The following CHD2 variants were observed in gnomAD, a reference collection of about 807,000 sequenced individuals.
The protein encoded by CHD2 is chromodomain helicase DNA binding protein 2.
In CHD2, 28 loss-of-function variants were observed where a neutral mutation model predicts 243.9. The ratio of observed to expected loss-of-function variants is 0.11; its 90% CI spans 0.09 to 0.16. The LOEUF is 0.16. Among genes scored for constraint, CHD2 ranks in the 10% least tolerant of loss-of-function variants. The pLI is 1.00. For missense variants in CHD2, 1,386 were observed against 2,209.8 expected, an observed-to-expected ratio of 0.63 and a Z score of 7.47; for synonymous variants, 775 against 779.0, an observed-to-expected ratio of 0.99 and a Z score of 0.09.
In CHD2 at chr15:93,024,464, C is replaced by G. The variant is rs370256848; in HGVS notation, c.5246C>G (p.Pro1749Arg). ...TTCCGACGAATGTCTGATCACCGCC[C>G]CGCTATGGGCTACCATGGCCAGGGA... ...QDFRRMSDHR[P>R]AMGYHGQGPS... The change falls in exon 39 of 39, where the codon CCC becomes CGC. Residue 1749 changes from proline (P) to arginine (R), a missense_variant. By Grantham distance (103) the Pro-to-Arg change is moderately radical. This residue lies in a region of CHD2 where 347 missense variants were observed against 341.6 expected (regional missense o/e 1.02). Transcript: ENST00000394196. 3 of 1,614,078 alleles carry G rather than the reference C, an allele frequency of 1.9e-6. No homozygotes were observed. Among genetic ancestry groups the G allele is most frequent in the Non-Finnish European group, 1.7e-6 (2 of 1,180,046 alleles).
intron 34 of CHD2, among the ~76,000 whole-genome samples, chr15:93,006,918 A>G (rs756550681): frequency 6.6e-6 from 1 of 152,202 alleles, no homozygotes; most frequent in Non-Finnish European, 1.5e-5. Flanking sequence ...TCTACAATTT[A>G]TTCTTCCACA....
chr15:92,999,791 T>A (rs771916063), intron 31 of CHD2, among the ~76,000 whole-genome samples: 1 of 152,218 alleles, frequency 6.6e-6, no homozygotes, highest in Non-Finnish European at 1.5e-5. Flanking sequence ...ATAAACAGTA[T>A]TTTAACCTTT....
chr15:93,000,486 A>T, intron 31 of CHD2, 26 bp from the exon 32 acceptor site: 1 of 1,595,212 alleles, frequency 6.3e-7, no homozygotes, highest in Admixed American at 1.8e-5. Context: ...TTTGTATTTT[A>T]ATCATCATTT....
In CHD2 at chr15:92,924,498, A is replaced by G. The variant is rs2141746164; in HGVS notation, c.240A>G (p.Pro80=). Residue 80 remains proline, a synonymous_variant, in exon 3 of 39, where the codon CCA becomes CCG. Coordinates refer to ENST00000394196, the MANE Select transcript of CHD2 (RefSeq NM_001271.4). ...GTTCCAAATCCCAGCCAGTCCTCCCAGAAGCCAAAGAGAAGCCAGCCTCTA... is the reference window on the plus strand; with the variant it reads ...GTTCCAAATCCCAGCCAGTCCTCCCGGAAGCCAAAGAGAAGCCAGCCTCTA... ...SAGSKSQPVL[P]EAKEKPASKK... is the part of the protein sequence containing the mutation. The G allele has an allele frequency of 6.2e-7, 1 of 1,614,184 alleles. No individual in the cohort carries two copies. The highest frequency in any genetic ancestry group is 1.6e-4 in the Middle Eastern group (1 of 6,062).
intron 24 of CHD2, among the ~76,000 whole-genome samples, chr15:92,981,958 C>T (rs1009502551): frequency 6.6e-6 from 1 of 152,030 alleles, no homozygotes; most frequent in Non-Finnish European, 1.5e-5. Flanking sequence ...GGGCACCAGA[C>T]GAATAGGAGG....
intron 2 of CHD2, 141 bp from the exon 3 acceptor site, chr15:92,924,180 G>C: frequency 1.6e-6 from 1 of 638,436 alleles, no homozygotes; most frequent in Non-Finnish European, 2.7e-6. Context: ...GAATGTAAAA[G>C]TATAAATGTG....
intron 19 of CHD2, among the ~76,000 whole-genome samples, chr15:92,973,741 A>C (rs1251386010): frequency 6.6e-6 from 1 of 152,222 alleles, no homozygotes. Flanking sequence ...ATACCAAGTA[A>C]ATCAAGAATG....
chr15:92,980,141 T>G (rs1352561200), intron 22 of CHD2, among the ~76,000 whole-genome samples: 1 of 151,552 alleles, frequency 6.6e-6, no homozygotes, highest in African/African-American at 2.4e-5. Context: ...GTCTCCTAGG[T>G]TGAAGTGATT....
chr15:92,960,921 T>A (rs984983218), intron 16 of CHD2, among the ~76,000 whole-genome samples: 15 of 152,112 alleles, frequency 9.9e-5, no homozygotes, highest in African/African-American at 3.6e-4. Context: ...TTTTGCCATG[T>A]CAGCCAGGTT....
Position 93,024,505 on chromosome 15 carries a change from C to A in CHD2, c.5287C>A (p.Arg1763Ser), listed in dbSNP as rs1486760399. 2 of 1,614,194 alleles carry A rather than the reference C, an allele frequency of 1.2e-6. No individual in the cohort carries two copies. Among genetic ancestry groups the A allele is most frequent in the Non-Finnish European group, 1.7e-6 (2 of 1,180,038 alleles). ...YHGQGPSDHYRSFHTDKLGEY... is the reference protein window; with the variant it reads ...YHGQGPSDHYSSFHTDKLGEY... ...TGGCCAGGGACCCTCAGACCATTACCGCTCTTTCCACACAGATAAACTGGG... is the reference window on the plus strand; with the variant it reads ...TGGCCAGGGACCCTCAGACCATTACAGCTCTTTCCACACAGATAAACTGGG... Residue 1763 changes from arginine (R) to serine (S), a missense_variant, in exon 39 of 39, where the codon CGC (arginine) becomes AGC (serine). Coordinates refer to ENST00000394196, the MANE Select transcript of CHD2 (RefSeq NM_001271.4).
intron 28 of CHD2, among the ~76,000 whole-genome samples, chr15:92,994,061 AT>A (rs921178775): frequency 2.0e-5 from 3 of 152,260 alleles, no homozygotes; most frequent in East Asian, 3.9e-4. Context: ...CCATTTCTGC[AT>A]TTTTTGGGGA....
At chr15:92,973,745 A>G (rs775432643) in intron 19 of CHD2, among the ~76,000 whole-genome samples, 1 of 152,238 alleles carries the variant, frequency 6.6e-6, no homozygotes, top group Non-Finnish European at 1.5e-5. Flanking sequence ...CAAGTAAATC[A>G]AGAATGCATC....
chr15:93,012,919 G>A (rs2054410793), intron 36 of CHD2, among the ~76,000 whole-genome samples: 1 of 152,214 alleles, frequency 6.6e-6, no homozygotes, highest in Non-Finnish European at 1.5e-5. Context: ...ACATGGAGGA[G>A]GCTGCAGAGG....
chr15:92,942,346 TTAAAG>T (rs1454125202), intron 8 of CHD2, among the ~76,000 whole-genome samples: 1 of 152,138 alleles, frequency 6.6e-6, no homozygotes, highest in East Asian at 1.9e-4. Flanking sequence ...CTAAGTTGCA[TTAAAG>T]TAAACTTTCT....
chr15:92,983,044 TGGTAGAGAGAGAGAA>T (rs1350173678), intron 24 of CHD2, among the ~76,000 whole-genome samples: 3 of 152,138 alleles, frequency 2.0e-5, no homozygotes, highest in Non-Finnish European at 2.9e-5. Context: ...TATCTTCCCA[TGGTAGAGAGAGAGAA>T]GCTAGAGAGC....
At chr15:92,986,419 T>A (rs2054043632) in intron 26 of CHD2, among the ~76,000 whole-genome samples, 2 of 152,166 alleles carry the variant, frequency 1.3e-5, no homozygotes, top group Admixed American at 6.5e-5. Flanking sequence ...CTGTGAGGTG[T>A]TTCTTTTCAC....
intron 31 of CHD2, among the ~76,000 whole-genome samples, chr15:92,999,978 G>C (rs981605149): frequency 1.3e-5 from 2 of 152,166 alleles, no homozygotes; most frequent in African/African-American, 4.8e-5. Context: ...TGGATATTTT[G>C]GCTGGCAAGG....
intron 4 of CHD2, among the ~76,000 whole-genome samples, chr15:92,927,806 C>G (rs952192427): frequency 6.6e-6 from 1 of 152,108 alleles, no homozygotes. Flanking sequence ...GGTTTCCTTG[C>G]TCATTTTTAG....
rs768551505 is a variant in CHD2, at chr15:93,019,996, C to G, written c.4907-16C>G. The G allele has an allele frequency of 9.4e-6, 15 of 1,602,448 alleles. No homozygotes were observed. In the South Asian group the frequency reaches 1.7e-4, roughly 18 times the overall value. ...CATTTCTTGCAGTCATCAGATCATTCTTTCTTTTCCTGCAGATCGAGGAGA... is the reference window on the plus strand; with the variant it reads ...CATTTCTTGCAGTCATCAGATCATTGTTTCTTTTCCTGCAGATCGAGGAGA... On this transcript the variant is annotated splice_polypyrimidine_tract_variant and intron_variant, in intron 37 of 38. Transcript: ENST00000394196.
Sources: gnomAD v4.1 joint callset for allele counts (sites outside exome capture counted in the v4.1 genomes callset) on GRCh38, gnomAD v4.1.1 for gene constraint, gnomAD v4.1.1 regional missense constraint, MANE v1.5 for transcripts, NCBI Gene and HGNC (gene_info 2026-07-23, HGNC 2026-07-21) for gene names.